NMNAT3: variants seen among roughly 807,000 people sequenced by gnomAD.
The protein encoded by NMNAT3 is nicotinamide/nicotinic acid mononucleotide adenylyltransferase 3.
A neutral mutation model predicts 24.8 loss-of-function variants in NMNAT3; 21 were observed. That is an observed-to-expected ratio of 0.85 (90% CI 0.60 to 1.22). NMNAT3 has a LOEUF of 1.22. NMNAT3 is among the 50% of genes most tolerant of loss of function. NMNAT3 has a pLI of 0.00. For missense variants in NMNAT3, 387 were observed against 436.6 expected (o/e 0.89, Z 1.01); for synonymous variants, 136 against 155.2 (o/e 0.88, Z 0.92).
chr3:139,595,856 C>T (rs1041360353), intron 3 of NMNAT3, among the ~76,000 whole-genome samples: 6 of 152,186 alleles, frequency 3.9e-5, no homozygotes, highest in Non-Finnish European at 7.3e-5. Flanking sequence ...ACCATAAAAA[C>T]CCTAGAAGAA....
chr3:139,625,757 G>A (rs1219767268), intron 3 of NMNAT3, among the ~76,000 whole-genome samples: 5 of 152,088 alleles, frequency 3.3e-5, no homozygotes, highest in African/African-American at 1.2e-4. Flanking sequence ...GTATTCCTGT[G>A]TTGGTCCATG....
chr3:139,618,534 C>G (rs1345078895), intron 3 of NMNAT3, among the ~76,000 whole-genome samples: 3 of 152,132 alleles, frequency 2.0e-5, no homozygotes, highest in African/African-American at 4.8e-5. Flanking sequence ...CAGGAAGATA[C>G]TATTAATTTC....
At chr3:139,665,719 G>T (rs887461298) in intron 1 of NMNAT3, among the ~76,000 whole-genome samples, 4 of 116,312 alleles carry the variant, frequency 3.4e-5, no homozygotes, top group African/African-American at 1.3e-4. Flanking sequence ...CTATTCATTT[G>T]TAACAGGAGA....
intron 1 of NMNAT3, among the ~76,000 whole-genome samples, chr3:139,675,469 A>G (rs1209466175): frequency 6.6e-6 from 1 of 152,176 alleles, no homozygotes; most frequent in East Asian, 1.9e-4. Context: ...AACTTTTGCT[A>G]CGCTTTCTTT....
At chr3:139,621,315 T>C (rs1409199024) in intron 3 of NMNAT3, among the ~76,000 whole-genome samples, 1 of 152,244 alleles carries the variant, frequency 6.6e-6, no homozygotes, top group Non-Finnish European at 1.5e-5. Flanking sequence ...TTCATCCATA[T>C]GTCTTCTTTG....
chr3:139,641,862 A>C (rs2056714841), intron 1 of NMNAT3, among the ~76,000 whole-genome samples: 1 of 152,140 alleles, frequency 6.6e-6, no homozygotes, highest in Non-Finnish European at 1.5e-5. Context: ...AACAAACACC[A>C]ATTTTATTTT....
intron 1 of NMNAT3, among the ~76,000 whole-genome samples, chr3:139,648,796 A>T (rs192688214): frequency 2.6e-5 from 4 of 152,348 alleles, no homozygotes; most frequent in African/African-American, 9.6e-5. Flanking sequence ...GCTATTAAAA[A>T]GAGTGACGTA....
intron 3 of NMNAT3, among the ~76,000 whole-genome samples, chr3:139,617,254 A>G (rs1261230026): frequency 6.6e-6 from 1 of 152,134 alleles, no homozygotes; most frequent in Non-Finnish European, 1.5e-5. Flanking sequence ...CTATTCCAGA[A>G]CCACAGAGGC....
At chr3:139,647,904 C>T (rs867078964) in intron 1 of NMNAT3, among the ~76,000 whole-genome samples, 11 of 152,196 alleles carry the variant, frequency 7.2e-5, no homozygotes, top group Admixed American at 1.3e-4. Flanking sequence ...CTCACAGACA[C>T]GTTGGAAGGA....
intron 1 of NMNAT3, among the ~76,000 whole-genome samples, chr3:139,670,721 T>A (rs965414327): frequency 5.9e-5 from 9 of 152,182 alleles, no homozygotes; most frequent in African/African-American, 2.2e-4. Flanking sequence ...GATGCCAGAA[T>A]GATACAGGGC....
chr3:139,642,115 C>T (rs1255185139), intron 1 of NMNAT3, among the ~76,000 whole-genome samples: 1 of 152,182 alleles, frequency 6.6e-6, no homozygotes, highest in African/African-American at 2.4e-5. Context: ...GGATATGATG[C>T]TTGGGGCTGC....
intron 1 of NMNAT3, among the ~76,000 whole-genome samples, chr3:139,665,180 T>G (rs1264061901): frequency 6.6e-6 from 1 of 152,166 alleles, no homozygotes; most frequent in Non-Finnish European, 1.5e-5. Flanking sequence ...GGATACACCC[T>G]GTACACGAAG....
At chr3:139,656,746 T>G (rs1211692735) in intron 1 of NMNAT3, among the ~76,000 whole-genome samples, 2 of 152,176 alleles carry the variant, frequency 1.3e-5, no homozygotes, top group African/African-American at 4.8e-5. Flanking sequence ...GAGCCATGGT[T>G]GTGCCACTGC....
At chr3:139,604,687 C>T (rs2054862045) in intron 3 of NMNAT3, among the ~76,000 whole-genome samples, 1 of 152,194 alleles carries the variant, frequency 6.6e-6, no homozygotes, top group African/African-American at 2.4e-5. Context: ...AACACACTGT[C>T]TGCACATTGT....
At position 139,593,359 on chromosome 3, in the gene NMNAT3, A is replaced by G. The variant is rs538176648; in HGVS notation, c.110-10151T>C. On this transcript the variant is annotated intron_variant, in intron 3 of 6. Transcript: ENST00000643695. ...AGACTTAGACTCCCACACAATAATA[A>G]TGGGAGACTTTAACACCCCACTGTC... Among the ~76,000 whole-genome samples, 136 of 152,258 alleles carry G rather than the reference A, an allele frequency of 8.9e-4. 1 individual carries two copies. The Middle Eastern group carries it at 0.037, about 42-fold the overall frequency.
chr3:139,582,056 A>G (rs2053645533), intron 4 of NMNAT3, among the ~76,000 whole-genome samples: 1 of 151,624 alleles, frequency 6.6e-6, no homozygotes, highest in Non-Finnish European at 1.5e-5. Context: ...TTAGCTGGGC[A>G]TAATGGTGTG....
intron 2 of NMNAT3, among the ~76,000 whole-genome samples, chr3:139,628,669 C>T (rs1304593665): frequency 6.6e-6 from 1 of 152,188 alleles, no homozygotes; most frequent in Non-Finnish European, 1.5e-5. Context: ...GGCTGGCAGA[C>T]ACGGCTCTCT....
At chr3:139,669,256 T>C (rs1046952063) in intron 1 of NMNAT3, among the ~76,000 whole-genome samples, 2 of 152,014 alleles carry the variant, frequency 1.3e-5, no homozygotes, top group Admixed American at 6.6e-5. Context: ...GCAGATCACT[T>C]GAGCCTTGGA....
intron 3 of NMNAT3, among the ~76,000 whole-genome samples, chr3:139,616,844 A>G (rs1013990227): frequency 6.6e-6 from 1 of 152,184 alleles, no homozygotes; most frequent in African/African-American, 2.4e-5. Context: ...AGGATTAAAA[A>G]GCACATTTTT....
Sources: gnomAD v4.1 joint callset for allele counts (sites outside exome capture counted in the v4.1 genomes callset) on GRCh38, gnomAD v4.1.1 for gene constraint, MANE v1.5 for transcripts, NCBI Gene and HGNC (gene_info 2026-07-23, HGNC 2026-07-21) for gene names.